LRFN5: variants seen among roughly 807,000 people sequenced by gnomAD.
LRFN5 encodes leucine-rich repeat and fibronectin type-III domain-containing protein 5.
A neutral mutation model predicts 45.6 loss-of-function variants in LRFN5; 24 were observed. The ratio of observed to expected loss-of-function variants is 0.53; its 90% CI spans 0.38 to 0.74. The LOEUF (loss-of-function observed/expected upper bound fraction) is 0.74. Ranked by LOEUF, LRFN5 falls within the 30% of genes least tolerant of loss-of-function variation. LRFN5 has a pLI of 0.00. For missense variants in LRFN5, 776 were observed against 861.5 expected (o/e 0.90, Z 1.24); for synonymous variants, 340 against 313.8 (o/e 1.08, Z -0.88).
chr14:41,714,145 G>T (rs1030105518), intron 1 of LRFN5, among the ~76,000 whole-genome samples: 2 of 152,034 alleles, frequency 1.3e-5, no homozygotes, highest in African/African-American at 4.8e-5. Flanking sequence ...AAAAAGAAAT[G>T]GAAAACATAA....
At chr14:41,696,372 C>G (rs1882609363) in intron 1 of LRFN5, among the ~76,000 whole-genome samples, 1 of 151,830 alleles carries the variant, frequency 6.6e-6, no homozygotes, top group Non-Finnish European at 1.5e-5. Flanking sequence ...AGGATTGATT[C>G]CAACTTTGAA....
At chr14:41,681,128 C>T (rs1288559075) in intron 1 of LRFN5, among the ~76,000 whole-genome samples, 7 of 151,902 alleles carry the variant, frequency 4.6e-5, no homozygotes, top group Admixed American at 3.9e-4. Context: ...AGAAAATAGC[C>T]TCAAAAGGGC....
At chr14:41,844,816 T>C (rs1361544187) in intron 2 of LRFN5, among the ~76,000 whole-genome samples, 2 of 152,174 alleles carry the variant, frequency 1.3e-5, no homozygotes, top group African/African-American at 4.8e-5. Flanking sequence ...CCACTACATA[T>C]AGTCTTTTTT....
chr14:41,809,522 T>G (rs1887667855), intron 2 of LRFN5, among the ~76,000 whole-genome samples: 1 of 151,822 alleles, frequency 6.6e-6, no homozygotes, highest in African/African-American at 2.4e-5. Context: ...TTTATAAAAC[T>G]CTTCAAAATT....
chr14:41,869,090 A>C (rs973436067), intron 2 of LRFN5, among the ~76,000 whole-genome samples: 3 of 152,202 alleles, frequency 2.0e-5, no homozygotes, highest in Non-Finnish European at 4.4e-5. Flanking sequence ...CATTATGCTT[A>C]CAAGCAACAT....
intron 1 of LRFN5, among the ~76,000 whole-genome samples, chr14:41,727,480 G>T (rs1438615775): frequency 2.6e-5 from 4 of 151,924 alleles, no homozygotes; most frequent in African/African-American, 9.7e-5. Flanking sequence ...AAAAAAATTA[G>T]CCAGTCATGG....
intron 1 of LRFN5, among the ~76,000 whole-genome samples, chr14:41,611,629 AT>A (rs1217253515): frequency 6.6e-6 from 1 of 152,126 alleles, no homozygotes; most frequent in Non-Finnish European, 1.5e-5. Context: ...TCTTTTAGTC[AT>A]TTTTTTCCCT....
chr14:41,796,000 A>C (rs186258470), intron 2 of LRFN5, among the ~76,000 whole-genome samples: 1 of 152,150 alleles, frequency 6.6e-6, no homozygotes, highest in Non-Finnish European at 1.5e-5. Flanking sequence ...TTATCTTAGT[A>C]ATGGGCATAT....
chr14:41,882,921 T>G (rs770097233), intron 2 of LRFN5, among the ~76,000 whole-genome samples: 1 of 149,208 alleles, frequency 6.7e-6, no homozygotes, highest in Non-Finnish European at 1.5e-5. Flanking sequence ...CGATCTCTGC[T>G]TACTGCAATC....
At chr14:41,681,293 C>CAG (rs1210586631) in intron 1 of LRFN5, among the ~76,000 whole-genome samples, 1 of 151,982 alleles carries the variant, frequency 6.6e-6, no homozygotes, top group African/African-American at 2.4e-5. Flanking sequence ...AGATTTAATT[C>CAG]AAATAAAGCC....
intron 1 of LRFN5, among the ~76,000 whole-genome samples, chr14:41,674,174 C>T (rs1156479541): frequency 7.1e-6 from 1 of 141,016 alleles, no homozygotes; most frequent in Non-Finnish European, 1.6e-5. Context: ...CCTCACCTCC[C>T]AGACGGGGCG....
At position 41,607,369 on chromosome 14, in the gene LRFN5, C is replaced by G. The variant is rs1887530399; in HGVS notation, c.-1390C>G. ...CGAAACCTAGACAGACACACACACA[C>G]TCAGAGGAGAGAGGAAGAATTGAAA... On this transcript the variant is annotated 5_prime_UTR_variant, in exon 1 of 6. Transcript: ENST00000298119. 6.6e-6 allele frequency among the ~76,000 whole-genome samples: 1 copy of G among 152,128 alleles called. No individual in the cohort carries two copies. The highest frequency in any genetic ancestry group is 6.5e-5 in the Admixed American group (1 of 15,278).
intron 1 of LRFN5, among the ~76,000 whole-genome samples, chr14:41,754,297 T>C (rs546562780): frequency 1.3e-3 from 191 of 152,252 alleles, no homozygotes; most frequent in Middle Eastern, 0.01. Flanking sequence ...TTAGGGAGGA[T>C]TTCCTCTTTT....
intron 2 of LRFN5, among the ~76,000 whole-genome samples, chr14:41,816,456 T>C (rs1457823908): frequency 6.6e-6 from 1 of 152,126 alleles, no homozygotes; most frequent in African/African-American, 2.4e-5. Flanking sequence ...ATTTCTTTTA[T>C]GGAAAGTCTA....
chr14:41,632,395 G>T lies in LRFN5; in HGVS notation c.-197+23833G>T, dbSNP rs140936752. On this transcript the variant is annotated intron_variant, in intron 1 of 5. Transcript: ENST00000298119. ...GAGGCTGGTGGATCACCCCAGGTTA[G>T]GTGTTCAAGACCAGCCTGGCCAACA... Among the ~76,000 whole-genome samples the T allele has an allele frequency of 2.1e-3, 322 of 152,220 alleles. 1 individual carries two copies. Among genetic ancestry groups the T allele is most frequent in the African/African-American group, 7.3e-3 (303 of 41,548 alleles).
At chr14:41,640,347 CTA>C (rs1488700549) in intron 1 of LRFN5, among the ~76,000 whole-genome samples, 2 of 151,986 alleles carry the variant, frequency 1.3e-5, no homozygotes, top group Non-Finnish European at 2.9e-5. Flanking sequence ...TGCTAGAAAC[CTA>C]TAATGATTTC....
chr14:41,745,638 A>AG (rs1884888376), intron 1 of LRFN5, among the ~76,000 whole-genome samples: 2 of 146,714 alleles, frequency 1.4e-5, no homozygotes, highest in Non-Finnish European at 3.1e-5. Flanking sequence ...TATTGGACTA[A>AG]GAAAAAAAGA....
At chr14:41,810,429 G>GC (rs997032996) in intron 2 of LRFN5, among the ~76,000 whole-genome samples, 1 of 151,990 alleles carries the variant, frequency 6.6e-6, no homozygotes, top group African/African-American at 2.4e-5. Context: ...TGTTCTAAAA[G>GC]CCTTGCTAGT....
chr14:41,767,281 G>A (rs1000330331), intron 2 of LRFN5, among the ~76,000 whole-genome samples: 1 of 151,304 alleles, frequency 6.6e-6, no homozygotes, highest in African/African-American at 2.4e-5. Context: ...TGTTTCACAT[G>A]CATTATCATA....
Sources: gnomAD v4.1 joint callset for allele counts (sites outside exome capture counted in the v4.1 genomes callset) on GRCh38, gnomAD v4.1.1 for gene constraint, MANE v1.5 for transcripts, NCBI Gene and HGNC (gene_info 2026-07-23, HGNC 2026-07-21) for gene names.